Variants in FMN1 observed in about 807,000 individuals in gnomAD.
FMN1 encodes formin 1.
Under a neutral mutation model 132.4 loss-of-function variants are expected in FMN1, and 110 were observed. That is an observed-to-expected ratio of 0.83 (90% CI 0.71 to 0.97). The LOEUF (loss-of-function observed/expected upper bound fraction) is 0.97, where lower values mean the gene tolerates loss of function less well. Among genes scored for constraint, FMN1 ranks in the 50% least tolerant of loss-of-function variants. The pLI, the probability that FMN1 is intolerant of heterozygous loss-of-function variation, is 0.00. For synonymous variants in FMN1, 722 were observed against 651.7 expected (o/e 1.11, Z -1.64); for missense variants, 1,792 against 1,705.3 (o/e 1.05, Z -0.90).
At chr15:32,864,001 T>C (rs910284303) in intron 16 of FMN1, among the ~76,000 whole-genome samples, 1 of 152,206 alleles carries the variant, frequency 6.6e-6, no homozygotes, top group African/African-American at 2.4e-5. Context: ...TGGACTTCTA[T>C]GAAAGGGGAA....
rs775951339 is a variant in FMN1, at chr15:33,067,021, G to A, written c.2044-1947C>T. On this transcript the variant is annotated intron_variant, in intron 5 of 20. Coordinates refer to ENST00000616417, the MANE Select transcript of FMN1 (RefSeq NM_001277313.2). ...CCGTGATGGTCTCTCCTCCCTCAGCGGTAGCCCCCTTCTTCAGCACACGAA... is the reference window on the plus strand; with the variant it reads ...CCGTGATGGTCTCTCCTCCCTCAGCAGTAGCCCCCTTCTTCAGCACACGAA... The A allele has an allele frequency of 1.5e-5, 24 of 1,613,844 alleles. No homozygotes were observed. The highest frequency in any genetic ancestry group is 1.6e-4 in the Middle Eastern group (1 of 6,084).
At chr15:33,164,141 T>A (rs1965006307) in intron 3 of FMN1, among the ~76,000 whole-genome samples, 2 of 152,290 alleles carry the variant, frequency 1.3e-5, no homozygotes, top group Middle Eastern at 3.4e-3. Context: ...AAAAAGATTA[T>A]TATGAGATAG....
chr15:32,875,762 A>C (rs950530984), intron 16 of FMN1, among the ~76,000 whole-genome samples: 3 of 152,228 alleles, frequency 2.0e-5, no homozygotes, highest in Non-Finnish European at 2.9e-5. Context: ...CACAGAGTCA[A>C]AGATATACAA....
chr15:32,822,155 C>A (rs995697918), intron 17 of FMN1, among the ~76,000 whole-genome samples: 1 of 152,086 alleles, frequency 6.6e-6, no homozygotes, highest in African/African-American at 2.4e-5. Context: ...TCGAGACCAG[C>A]CTGGCCAACA....
chr15:33,022,803 A>C (rs965628768), intron 6 of FMN1, among the ~76,000 whole-genome samples: 1 of 152,158 alleles, frequency 6.6e-6, no homozygotes, highest in African/African-American at 2.4e-5. Flanking sequence ...CCAGGCCCAG[A>C]CTTGTTGCCT....
intron 17 of FMN1, among the ~76,000 whole-genome samples, chr15:32,812,815 G>C (rs1250322470): frequency 6.6e-6 from 1 of 152,178 alleles, no homozygotes; most frequent in East Asian, 1.9e-4. Flanking sequence ...ACAATAGAAA[G>C]GGTCAGACCT....
chr15:32,908,596 A>G lies in FMN1; in HGVS notation c.3289-18T>C. 2 of 1,434,658 alleles carry G rather than the reference A, an allele frequency of 1.4e-6. No individual in the cohort carries two copies. Among genetic ancestry groups the G allele is most frequent in the Non-Finnish European group, 1.9e-6 (2 of 1,050,832 alleles). The allele number at this position is 1,434,658 out of a possible 1,614,324, so 88.9% of individuals were successfully genotyped here. A position where few individuals can be genotyped will look rare whatever the true frequency, so the allele number is the denominator to read the frequency against. ...TGGGCTCTCTGTATCAAAATAGAAA[A>G]CAAAACCAAAAAAAAAAAAAAAAAA... On this transcript the variant is annotated intron_variant, in intron 11 of 20. Transcript: ENST00000616417.
chr15:33,136,498 C>T (rs958617761), intron 4 of FMN1, among the ~76,000 whole-genome samples: 1 of 152,134 alleles, frequency 6.6e-6, no homozygotes, highest in African/African-American at 2.4e-5. Context: ...AATTTTATAA[C>T]AGATTTCAGG....
intron 5 of FMN1, among the ~76,000 whole-genome samples, chr15:33,083,251 T>C (rs1244203008): frequency 6.6e-6 from 1 of 152,240 alleles, no homozygotes; most frequent in Non-Finnish European, 1.5e-5. Context: ...TATATTCAAA[T>C]ATATATAGAA....
chr15:32,834,424 C>T (rs2058575859), intron 17 of FMN1, among the ~76,000 whole-genome samples: 1 of 152,180 alleles, frequency 6.6e-6, no homozygotes, highest in Non-Finnish European at 1.5e-5. Context: ...CCTACGTTAG[C>T]TCTGTTCCCT....
intron 17 of FMN1, among the ~76,000 whole-genome samples, chr15:32,823,444 G>C (rs58179821): frequency 2.0e-5 from 3 of 151,920 alleles, no homozygotes; most frequent in African/African-American, 4.8e-5. Context: ...GATTACAGGT[G>C]TGAGCCACTG....
In FMN1 at chr15:32,947,086, T is replaced by C. The variant is rs546699850; in HGVS notation, c.3138+17021A>G. The stretch of plus-strand genomic sequence containing the variant: ...TGTAGTCACATTTCATTATTTGTTT[T>C]GTGCTTTCCATGTCTTTTCCGTATA... On this transcript the variant is annotated intron_variant, in intron 9 of 20. Coordinates refer to ENST00000616417, the MANE Select transcript of FMN1 (RefSeq NM_001277313.2). 2.6e-5 allele frequency among the ~76,000 whole-genome samples: 4 copies of C among 152,318 alleles called. No individual in the cohort carries two copies. In the South Asian group the frequency reaches 8.3e-4, roughly 32 times the overall value.
chr15:32,773,585 GT>G lies in FMN1; in HGVS notation c.*724del. On this transcript the variant is annotated 3_prime_UTR_variant, in exon 21 of 21. Coordinates refer to ENST00000616417, the MANE Select transcript of FMN1 (RefSeq NM_001277313.2). ...CCCAGAAAAACCACAAAGGACCGAT[GT>G]AAAAACAAGAATGGGCCTCACTTAA... 6.6e-6 allele frequency: 1 copy of G among 152,300 alleles called. No individual in the cohort carries two copies. Among genetic ancestry groups the G allele is most frequent in the African/African-American group, 2.4e-5 (1 of 41,540 alleles). 9.4% of individuals were successfully genotyped at this position (152,300 alleles called of 1,614,324 possible).
intron 6 of FMN1, among the ~76,000 whole-genome samples, chr15:33,019,811 G>A (rs2035319996): frequency 6.6e-6 from 1 of 152,188 alleles, no homozygotes; most frequent in Non-Finnish European, 1.5e-5. Flanking sequence ...ACCTCTAGCT[G>A]GCCCGCAAGC....
intron 7 of FMN1, among the ~76,000 whole-genome samples, chr15:32,989,128 A>C (rs765876846): frequency 4.3e-5 from 5 of 116,534 alleles, no homozygotes; most frequent in Non-Finnish European, 9.2e-5. Flanking sequence ...GTTTACATCC[A>C]GTTTCCACTA....
At position 33,066,394 on chromosome 15, in the gene FMN1, C is replaced by T. The variant is rs112186458; in HGVS notation, c.2044-1320G>A. ...AGGACAATATAATTTGACTATAATCCTTTTTCAACTAAAAGAATCACTAAC... is the reference window on the plus strand; with the variant it reads ...AGGACAATATAATTTGACTATAATCTTTTTTCAACTAAAAGAATCACTAAC... On this transcript the variant is annotated intron_variant, in intron 5 of 20. Transcript: ENST00000616417. 1,049 of 898,638 alleles carry T rather than the reference C, an allele frequency of 1.2e-3. 12 individuals are homozygous for T. In the African/African-American group the frequency reaches 0.016, roughly 14 times the overall value. The allele number at this position is 898,638 out of a possible 1,614,324, so 55.7% of individuals were successfully genotyped here. A position where few individuals can be genotyped will look rare whatever the true frequency, so the allele number is the denominator to read the frequency against.
At chr15:32,935,446 T>C (rs55996134) in intron 9 of FMN1, among the ~76,000 whole-genome samples, 1,800 of 152,294 alleles carry the variant, frequency 0.012, 33 homozygotes, top group African/African-American at 0.041. Flanking sequence ...GTGTGGTCTT[T>C]TGAGTTCTTG....
At chr15:32,966,350 A>C (rs1210117456) in intron 8 of FMN1, among the ~76,000 whole-genome samples, 2 of 152,106 alleles carry the variant, frequency 1.3e-5, no homozygotes, top group Non-Finnish European at 2.9e-5. Context: ...GAATTTTGGA[A>C]CACTGCCTCT....
chr15:33,064,825 C>T (rs2037644550), intron 6 of FMN1, 132 bp downstream of exon 6: 2 of 601,388 alleles, frequency 3.3e-6, no homozygotes, highest in Non-Finnish European at 2.8e-6. Flanking sequence ...ACAGCAAAAC[C>T]AAAAAGAAAC....
Sources: allele counts gnomAD v4.1 joint callset (sites outside exome capture counted in the v4.1 genomes callset), GRCh38; gene constraint gnomAD v4.1.1; transcripts MANE v1.5; gene names NCBI Gene and HGNC (gene_info 2026-07-23, HGNC 2026-07-21).